RIOK1: variants seen among roughly 807,000 people sequenced by gnomAD.
The protein encoded by RIOK1 is serine/threonine-protein kinase RIO1.
In RIOK1, 66 loss-of-function variants were observed where a neutral mutation model predicts 73.5. The ratio of observed to expected loss-of-function variants is 0.90; its 90% CI spans 0.74 to 1.10. RIOK1 has a LOEUF of 1.10. RIOK1 is among the 50% of genes least tolerant of loss of function. RIOK1 has a pLI of 0.00. For synonymous variants in RIOK1, 224 were observed against 226.8 expected (o/e 0.99, Z 0.11); for missense variants, 658 against 699.8 (o/e 0.94, Z 0.67).
intron 12 of RIOK1, among the ~76,000 whole-genome samples, 159 bp downstream of exon 12, chr6:7,405,514 A>C (rs1458090727): frequency 6.6e-6 from 1 of 152,220 alleles, no homozygotes; most frequent in Non-Finnish European, 1.5e-5. Flanking sequence ...GAAATATCAA[A>C]ATCCAAAATC....
At chr6:7,399,420 G>C (rs961237218) in intron 5 of RIOK1, among the ~76,000 whole-genome samples, 1 of 151,962 alleles carries the variant, frequency 6.6e-6, no homozygotes, top group Non-Finnish European at 1.5e-5. Context: ...AGTTTATTTT[G>C]TGATTTATTT....
chr6:7,401,383 T>C (rs1761608090), intron 6 of RIOK1, among the ~76,000 whole-genome samples: 1 of 152,156 alleles, frequency 6.6e-6, no homozygotes, highest in Non-Finnish European at 1.5e-5. Flanking sequence ...TTTTTTTCTT[T>C]ACCTACGGGT....
At position 7,398,749 on chromosome 6, in the gene RIOK1, T is replaced by A; in HGVS notation, c.480+9T>A. 6.2e-7 allele frequency: 1 copy of A among 1,604,746 alleles called. No homozygotes were observed. The highest frequency in any genetic ancestry group is 2.2e-5 in the East Asian group (1 of 44,734). On this transcript the variant is annotated intron_variant, in intron 5 of 16. Transcript: ENST00000379834. ...GAGCAACTGTAGAACAGGTACAATTTAAATGTGTTGCAAACTCTTCTTTTT... is the reference window on the plus strand; with the variant it reads ...GAGCAACTGTAGAACAGGTACAATTAAAATGTGTTGCAAACTCTTCTTTTT...
intron 8 of RIOK1, among the ~76,000 whole-genome samples, 189 bp from the exon 9 acceptor site, chr6:7,403,752 T>A (rs1368342253): frequency 6.6e-6 from 1 of 152,220 alleles, no homozygotes. Context: ...TGCTAGTGTT[T>A]TATCATTCTC....
In RIOK1 at chr6:7,400,645, T is replaced by G. The variant is rs189173387; in HGVS notation, c.481-313T>G. Among the ~76,000 whole-genome samples, 332 of 152,378 alleles carry G rather than the reference T, an allele frequency of 2.2e-3. 3 individuals are homozygous for G. The highest frequency in any genetic ancestry group is 7.4e-3 in the African/African-American group (306 of 41,594). On this transcript the variant is annotated intron_variant, in intron 5 of 16. Transcript: ENST00000379834. ...TGTAGTGACTAGAACAATGTAATAC[T>G]ATTTATGTAGTTTGCATTATACTTC... is the stretch of plus-strand genomic sequence containing the variant.
At chr6:7,414,674 A>C (rs1761957965) in intron 16 of RIOK1, among the ~76,000 whole-genome samples, 1 of 152,192 alleles carries the variant, frequency 6.6e-6, no homozygotes, top group Admixed American at 6.5e-5. Context: ...ACCCAGGGTA[A>C]ATACTGAAGA....
rs1337450172 is a variant in RIOK1, at chr6:7,402,178, A to G, written c.574-425A>G. ...GAAGAACATTATAGAGCATACTCAT[A>G]CAAACCTAGATAGTATAGCCTACTG... On this transcript the variant is annotated intron_variant, in intron 6 of 16. Coordinates refer to ENST00000379834, the MANE Select transcript of RIOK1 (RefSeq NM_031480.3). Among the ~76,000 whole-genome samples, 4 of 152,230 alleles carry G rather than the reference A, an allele frequency of 2.6e-5. No individual in the cohort carries two copies. The East Asian group carries it at 5.8e-4, about 22-fold the overall frequency.
chr6:7,414,795 C>A (rs1325983421), intron 16 of RIOK1, among the ~76,000 whole-genome samples: 1 of 152,220 alleles, frequency 6.6e-6, no homozygotes, highest in Non-Finnish European at 1.5e-5. Flanking sequence ...TCCCTGCAGT[C>A]AGCCTTGGTT....
intron 16 of RIOK1, among the ~76,000 whole-genome samples, chr6:7,416,800 AC>A (rs2113535477): frequency 6.6e-6 from 1 of 151,854 alleles, no homozygotes; most frequent in South Asian, 2.1e-4. Context: ...TGCCTGGGTG[AC>A]AGAGTGAGTC....
In RIOK1 at chr6:7,417,311, T is replaced by A; in HGVS notation, c.1597-20T>A. 1 of 1,463,400 alleles carries A rather than the reference T, an allele frequency of 6.8e-7. No individual in the cohort carries two copies. Among genetic ancestry groups the A allele is most frequent in the Non-Finnish European group, 9.2e-7 (1 of 1,088,672 alleles). 90.7% of individuals were successfully genotyped at this position (1,463,400 alleles called of 1,614,324 possible). A position where few individuals can be genotyped will look rare whatever the true frequency, so the allele number is the denominator to read the frequency against. On this transcript the variant is annotated intron_variant, in intron 16 of 16. Transcript: ENST00000379834. ...TACTCCAAATGAATGAAAGTTGGCT[T>A]TTTTGTTTGTTTTTTACAGGAAAGA...
chr6:7,392,954 T>C lies in RIOK1; in HGVS notation c.72-145T>C, dbSNP rs537548328. The C allele has an allele frequency of 2.3e-6, 3 of 1,327,174 alleles. No individual in the cohort carries two copies. In the East Asian group the frequency reaches 8.5e-5, roughly 37 times the overall value. 82.2% of individuals were successfully genotyped at this position (1,327,174 alleles called of 1,614,324 possible). ...ACAGGAGAACATGGTTTTAAGGAGA[T>C]GGAGCTTATCGGAAGGTGTATTTTA... On this transcript the variant is annotated intron_variant, in intron 1 of 16. Coordinates refer to ENST00000379834, the MANE Select transcript of RIOK1 (RefSeq NM_031480.3).
Position 7,402,653 on chromosome 6 carries a change from A to C in RIOK1, c.624A>C (p.Lys208Asn). The C allele has an allele frequency of 6.2e-7, 1 of 1,613,158 alleles. No individual in the cohort carries two copies. Among genetic ancestry groups the C allele is most frequent in the East Asian group, 2.2e-5 (1 of 44,820 alleles). ...STANGESRAI[K>N]IYKTSILVFK... ...CAAATGGAGAGAGCAGAGCAATCAA[A>C]ATTTATAAAACTTCTATTTTGGTGT... Residue 208 changes from lysine to asparagine, a missense_variant, in exon 7 of 17, where the codon AAA (lysine) becomes AAC (asparagine). Transcript: ENST00000379834.
Position 7,395,062 on chromosome 6 carries a change from C to G in RIOK1, c.286C>G (p.Gln96Glu). The change falls in exon 3 of 17, where the codon CAG becomes GAG. Residue 96 changes from glutamine (Q) to glutamate (E), a missense_variant. Coordinates refer to ENST00000379834, the MANE Select transcript of RIOK1 (RefSeq NM_031480.3). ...TGGAATTCCCTTCTAGGCAAATCGACAGACCTCCGACAGCAGTTCAGCCAA... is the reference window on the plus strand; with the variant it reads ...TGGAATTCCCTTCTAGGCAAATCGAGAGACCTCCGACAGCAGTTCAGCCAA... ...NGGSNPQANR[Q>E]TSDSSSAKMS... 6.2e-7 allele frequency: 1 copy of G among 1,613,884 alleles called. No individual in the cohort carries two copies. Among genetic ancestry groups the G allele is most frequent in the African/African-American group, 1.3e-5 (1 of 75,036 alleles).
intron 8 of RIOK1, among the ~76,000 whole-genome samples, chr6:7,403,411 G>A (rs563288007): frequency 2.3e-4 from 35 of 152,144 alleles, no homozygotes; most frequent in African/African-American, 8.0e-4. Context: ...CTTTTTATCA[G>A]GTAAAGGCCT....
intron 8 of RIOK1, 129 bp from the exon 9 acceptor site, chr6:7,403,809 ATAT>A (rs1761670877): frequency 1.0e-5 from 6 of 576,038 alleles, no homozygotes; most frequent in Non-Finnish European, 1.9e-5. Flanking sequence ...AGTTTATGAA[ATAT>A]TATAATACAT....
intron 5 of RIOK1, among the ~76,000 whole-genome samples, chr6:7,400,423 C>G (rs747976303): frequency 3.3e-5 from 5 of 152,150 alleles, no homozygotes; most frequent in Non-Finnish European, 7.3e-5. Flanking sequence ...CCACTGGGCA[C>G]TTGAGATGTG....
intron 1 of RIOK1, among the ~76,000 whole-genome samples, chr6:7,391,586 C>A (rs1473624934): frequency 6.6e-6 from 1 of 152,154 alleles, no homozygotes; most frequent in Non-Finnish European, 1.5e-5. Context: ...TACCATCCAC[C>A]CCAGGGTATT....
Position 7,401,035 on chromosome 6 carries a change from T to C in RIOK1, c.558T>C (p.Ile186=), listed in dbSNP as rs1179274828. 1 of 1,600,344 alleles carries C rather than the reference T, an allele frequency of 6.2e-7. No individual in the cohort carries two copies. The highest frequency in any genetic ancestry group is 8.6e-7 in the Non-Finnish European group (1 of 1,169,024). Residue 186 remains isoleucine (I), a synonymous_variant, in exon 6 of 17, where the codon ATT becomes ATC. Transcript: ENST00000379834. ...RGIITEINGC[I]STGKEANVYH... Reference sequence around the variant, plus strand: ...TCATAACAGAGATAAATGGCTGCATTAGCACAGGAAAAGAAGTGAGCTCTT... The same window carrying C: ...TCATAACAGAGATAAATGGCTGCATCAGCACAGGAAAAGAAGTGAGCTCTT...
At chr6:7,415,143 T>TGA (rs1761967428) in intron 16 of RIOK1, among the ~76,000 whole-genome samples, 1 of 152,202 alleles carries the variant, frequency 6.6e-6, no homozygotes, top group Admixed American at 6.5e-5. Flanking sequence ...AGTGGAAAGG[T>TGA]GACCATTCTT....
Sources: gnomAD v4.1 joint callset for allele counts (sites outside exome capture counted in the v4.1 genomes callset) on GRCh38, gnomAD v4.1.1 for gene constraint, MANE v1.5 for transcripts, NCBI Gene and HGNC (gene_info 2026-07-23, HGNC 2026-07-21) for gene names.